IL20RB: variants seen among roughly 807,000 people sequenced by gnomAD.
IL20RB encodes the protein interleukin 20 receptor subunit beta.
IL20RB carries 21 observed loss-of-function variants against 33.3 expected under a neutral mutation model. That is an observed-to-expected ratio of 0.63 (90% CI 0.45 to 0.91). The LOEUF (loss-of-function observed/expected upper bound fraction) is 0.91. Ranked by LOEUF, IL20RB falls within the 40% of genes least tolerant of loss-of-function variation. The pLI is 0.00. For synonymous variants in IL20RB, 147 were observed against 146.8 expected, an observed-to-expected ratio of 1.00 and a Z score of -0.01; for missense variants, 345 against 384.8, an observed-to-expected ratio of 0.90 and a Z score of 0.86.
At position 136,976,914 on chromosome 3, in the gene IL20RB, A is replaced by T. The variant is rs1201011496; in HGVS notation, c.89-3552A>T. Among the ~76,000 whole-genome samples, 3 of 152,216 alleles carry T rather than the reference A, an allele frequency of 2.0e-5. No individual in the cohort carries two copies. The South Asian group carries it at 6.2e-4, about 32-fold the overall frequency. On this transcript the variant is annotated intron_variant, in intron 1 of 6. Transcript: ENST00000329582. ...TTTTCAGGGCTTAGGAGGGTTGAGG[A>T]ATTCTCTCACGGTCAGGACTACATG... is the stretch of plus-strand genomic sequence containing the variant.
At chr3:136,971,884 T>C (rs1941495560) in intron 1 of IL20RB, among the ~76,000 whole-genome samples, 1 of 152,246 alleles carries the variant, frequency 6.6e-6, no homozygotes, top group African/African-American at 2.4e-5. Flanking sequence ...ATGGTAATTC[T>C]GTTTTTAGTT....
chr3:136,973,737 G>T (rs542928185), intron 1 of IL20RB, among the ~76,000 whole-genome samples: 1 of 152,028 alleles, frequency 6.6e-6, no homozygotes, highest in Non-Finnish European at 1.5e-5. Flanking sequence ...AAGACTCTGG[G>T]TGCTCCAGTA....
intron 6 of IL20RB, among the ~76,000 whole-genome samples, chr3:137,003,060 A>G (rs557667774): frequency 6.6e-6 from 1 of 152,216 alleles, no homozygotes; most frequent in East Asian, 1.9e-4. Context: ...TGTCAGGTTC[A>G]TCAAAGATCA....
At chr3:136,958,734 A>G (rs1246830827) in intron 1 of IL20RB, among the ~76,000 whole-genome samples, 1 of 152,232 alleles carries the variant, frequency 6.6e-6, no homozygotes, top group Non-Finnish European at 1.5e-5. Context: ...CAGTGAGATT[A>G]CATAGTTTTC....
chr3:136,962,876 A>C, intron 1 of IL20RB, among the ~76,000 whole-genome samples: 1 of 151,904 alleles, frequency 6.6e-6, no homozygotes, highest in Non-Finnish European at 1.5e-5. Context: ...CAAAAAAAAA[A>C]AAAAAAAAAG....
chr3:136,987,716 G>A (rs1050177120), intron 3 of IL20RB, among the ~76,000 whole-genome samples: 5 of 152,212 alleles, frequency 3.3e-5, no homozygotes, highest in Non-Finnish European at 7.4e-5. Flanking sequence ...CGGGCTGCAG[G>A]TCCCGAGCCA....
rs143198059 is a variant in IL20RB, at chr3:136,980,553, C to T, written c.176C>T (p.Ala59Val). 1.2e-4 allele frequency: 194 copies of T among 1,614,172 alleles called. No homozygotes were observed. The highest frequency in any genetic ancestry group is 5.9e-4 in the South Asian group (54 of 91,086). ...CTCTTGATGTGGAGCCCAGTGATCG[C>T]GCCTGGAGAAACAGTGTACTATTCT... Reference protein sequence around the residue: ...KHLLMWSPVIAPGETVYYSVE... With the variant: ...KHLLMWSPVIVPGETVYYSVE... The change falls in exon 2 of 7, where the codon GCG (alanine) becomes GTG (valine). Residue 59 changes from alanine (A) to valine (V), a missense_variant. Coordinates refer to ENST00000329582, the MANE Select transcript of IL20RB (RefSeq NM_144717.4).
intron 5 of IL20RB, among the ~76,000 whole-genome samples, chr3:136,993,744 G>A (rs969940939): frequency 1.3e-5 from 2 of 152,130 alleles, no homozygotes; most frequent in African/African-American, 4.8e-5. Flanking sequence ...CAGGTGTGGT[G>A]GCTCATGCCT....
chr3:136,981,612 C>T (rs547280014), intron 2 of IL20RB, among the ~76,000 whole-genome samples: 2 of 152,122 alleles, frequency 1.3e-5, no homozygotes, highest in Admixed American at 6.5e-5. Flanking sequence ...AGGGGCAGAG[C>T]GTTTGAGATG....
intron 1 of IL20RB, among the ~76,000 whole-genome samples, chr3:136,964,107 G>T (rs1290528618): frequency 1.0e-4 from 5 of 48,428 alleles, no homozygotes; most frequent in Non-Finnish European, 1.9e-4. Flanking sequence ...TGGACATTTG[G>T]GTTGGTTCCA....
Position 136,995,448 on chromosome 3 carries a change from C to T in IL20RB, c.717C>T (p.Ala239=), listed in dbSNP as rs761604661. ...EAIPLVLALF[A]FVGFMLILVV... ...TTCCCCTGGTACTGGCCCTGTTTGC[C>T]TTTGTTGGCTTCATGCTGATCCTTG... Residue 239 remains alanine (A), a synonymous_variant, in exon 6 of 7, where the codon GCC becomes GCT. Transcript: ENST00000329582. 6.2e-7 allele frequency: 1 copy of T among 1,614,082 alleles called. No individual in the cohort carries two copies. Among genetic ancestry groups the T allele is most frequent in the Admixed American group, 1.7e-5 (1 of 60,010 alleles).
At chr3:136,977,348 A>C (rs1941644678) in intron 1 of IL20RB, among the ~76,000 whole-genome samples, 1 of 152,210 alleles carries the variant, frequency 6.6e-6, no homozygotes, top group Non-Finnish European at 1.5e-5. Flanking sequence ...GAGAATTGGC[A>C]TCTTAACTGT....
chr3:136,964,390 C>T lies in IL20RB; in HGVS notation c.88+6189C>T. Among the ~76,000 whole-genome samples, 2 of 104,104 alleles carry T rather than the reference C, an allele frequency of 1.9e-5. 1 individual carries two copies. The highest frequency in any genetic ancestry group is 3.9e-5 in the Non-Finnish European group (2 of 51,918). The allele number at this position is 104,104 out of a possible 152,430, so 68.3% of individuals were successfully genotyped here. ...GACTTTTTAATGATTGCCGTTCTAA[C>T]TGGTGTGAGATGATATCTCATAGTG... On this transcript the variant is annotated intron_variant, in intron 1 of 6. Coordinates refer to ENST00000329582, the MANE Select transcript of IL20RB (RefSeq NM_144717.4).
chr3:136,982,984 AG>A (rs923843320), intron 3 of IL20RB, among the ~76,000 whole-genome samples: 1 of 152,168 alleles, frequency 6.6e-6, no homozygotes, highest in African/African-American at 2.4e-5. Context: ...GCTGATGGGC[AG>A]GGGGTAGGGA....
At chr3:137,009,055 G>T (rs1177700411) in intron 6 of IL20RB, among the ~76,000 whole-genome samples, 2 of 152,220 alleles carry the variant, frequency 1.3e-5, no homozygotes, top group Admixed American at 6.5e-5. Context: ...AGTGAATGCT[G>T]CTGTGTGTTG....
intron 3 of IL20RB, among the ~76,000 whole-genome samples, chr3:136,986,161 C>T (rs1296137146): frequency 1.3e-5 from 2 of 151,762 alleles, no homozygotes; most frequent in East Asian, 1.9e-4. Context: ...TGCAGTGAGC[C>T]AAGATCGGGC....
intron 3 of IL20RB, among the ~76,000 whole-genome samples, chr3:136,986,212 CAAATAAATAAATAAAT>C (rs751861399): frequency 3.8e-4 from 52 of 138,176 alleles, no homozygotes; most frequent in Non-Finnish European, 7.0e-4. Context: ...GACTCCATCT[CAAATAAATAAATAAAT>C]AAATAAATAA....
chr3:136,989,736 A>T (rs1941994925), intron 4 of IL20RB, among the ~76,000 whole-genome samples, 171 bp downstream of exon 4: 1 of 152,168 alleles, frequency 6.6e-6, no homozygotes, highest in Admixed American at 6.5e-5. Context: ...CTCTTCTCCA[A>T]AGAACTTCCT....
At chr3:136,958,968 T>C (rs1941122375) in intron 1 of IL20RB, among the ~76,000 whole-genome samples, 1 of 151,922 alleles carries the variant, frequency 6.6e-6, no homozygotes. Context: ...TGTGTGTGTG[T>C]TTTACACAGA....
Sources: allele counts gnomAD v4.1 joint callset (sites outside exome capture counted in the v4.1 genomes callset), GRCh38; gene constraint gnomAD v4.1.1; transcripts MANE v1.5; gene names NCBI Gene and HGNC (gene_info 2026-07-23, HGNC 2026-07-21).